PDCL2: variants seen among roughly 807,000 people sequenced by gnomAD.
PDCL2 encodes phosducin like 2, also known as phosducin-like protein 2.
A neutral mutation model predicts 30.3 loss-of-function variants in PDCL2; 23 were observed. That is an observed-to-expected ratio of 0.76 (90% confidence interval 0.55 to 1.08). The LOEUF is 1.08. Ranked by LOEUF, PDCL2 falls within the 50% of genes least tolerant of loss-of-function variation. The probability of loss-of-function intolerance (pLI) is 0.00; values close to 1 mark genes in which losing one functional copy is unlikely to be tolerated. For missense variants in PDCL2, 243 were observed against 282.3 expected (o/e 0.86, Z 1.00); for synonymous variants, 68 against 86.2 (o/e 0.79, Z 1.17).
In PDCL2 at chr4:55,576,022, G is replaced by A. The variant is rs1732560254; in HGVS notation, c.218+4799C>T. Among the ~76,000 whole-genome samples the A allele has an allele frequency of 2.0e-5, 3 of 151,890 alleles. No individual in the cohort carries two copies. The South Asian group carries it at 6.2e-4, about 32-fold the overall frequency. Reference sequence around the variant, plus strand: ...GAACATGGTGAAGTTAACTACATAGGGAAATATAATAGCCAGTATTACCAT... The same window carrying A: ...GAACATGGTGAAGTTAACTACATAGAGAAATATAATAGCCAGTATTACCAT... On this transcript the variant is annotated intron_variant, in intron 3 of 5. Coordinates refer to ENST00000295645, the MANE Select transcript of PDCL2 (RefSeq NM_152401.3).
Position 55,580,895 on chromosome 4 carries a change from C to A in PDCL2, c.144G>T (p.Lys48Asn). Residue 48 changes from lysine to asparagine, a missense_variant, in exon 3 of 6, where the codon AAG becomes AAT. Lys to Asn is a moderately conservative substitution (Grantham distance 94, BLOSUM62 0). Transcript: ENST00000295645. ...CTTCCTTTAGCTGTGCAAGAGTCAT[C>A]TTTTCAAATGGTTTCACTAAAACAA... ...QKEAMVKPFE[K>N]MTLAQLKEAE... 3 of 1,600,678 alleles carry A rather than the reference C, an allele frequency of 1.9e-6. No homozygotes were observed. Among genetic ancestry groups the A allele is most frequent in the Non-Finnish European group, 2.6e-6 (3 of 1,176,002 alleles).
At chr4:55,585,529 CACACACACACACAG>C (rs1244035072) in intron 1 of PDCL2, among the ~76,000 whole-genome samples, 2 of 151,858 alleles carry the variant, frequency 1.3e-5, no homozygotes, top group African/African-American at 4.8e-5. Context: ...TACTGTCACA[CACACACACACACAG>C]ACACACACAC....
intron 1 of PDCL2, 84 bp downstream of exon 1, chr4:55,592,020 C>T: frequency 6.5e-7 from 1 of 1,550,206 alleles, no homozygotes; most frequent in Non-Finnish European, 8.8e-7. Flanking sequence ...TGTGTCCGCC[C>T]TCCCCATTTG....
intron 5 of PDCL2, among the ~76,000 whole-genome samples, chr4:55,562,087 T>C (rs1055790573): frequency 6.6e-6 from 1 of 152,134 alleles, no homozygotes; most frequent in African/African-American, 2.4e-5. Context: ...TAATGTCTAT[T>C]TGTGGGTTGT....
At chr4:55,559,893 T>A (rs778957711) in intron 5 of PDCL2, among the ~76,000 whole-genome samples, 1 of 152,218 alleles carries the variant, frequency 6.6e-6, no homozygotes, top group Non-Finnish European at 1.5e-5. Context: ...AAATACTATA[T>A]GATTCCACTT....
chr4:55,591,910 C>G (rs993247599), intron 1 of PDCL2, among the ~76,000 whole-genome samples, 194 bp downstream of exon 1: 2 of 152,160 alleles, frequency 1.3e-5, no homozygotes, highest in Non-Finnish European at 2.9e-5. Context: ...GTCTTAAAGG[C>G]TGAAAAAATG....
At chr4:55,566,072 C>G (rs2110155281) in intron 4 of PDCL2, among the ~76,000 whole-genome samples, 1 of 148,252 alleles carries the variant, frequency 6.7e-6, no homozygotes, top group African/African-American at 2.5e-5. Flanking sequence ...AGCTGCCTCC[C>G]AGGTTCAAGC....
chr4:55,559,182 G>A (rs1406780386), intron 5 of PDCL2, among the ~76,000 whole-genome samples: 1 of 152,128 alleles, frequency 6.6e-6, no homozygotes, highest in African/African-American at 2.4e-5. Context: ...AGGATAAATT[G>A]ATACTTTCAT....
intron 4 of PDCL2, among the ~76,000 whole-genome samples, chr4:55,567,197 A>G (rs1035973914): frequency 3.3e-5 from 5 of 152,192 alleles, no homozygotes; most frequent in Non-Finnish European, 7.3e-5. Flanking sequence ...TTCTCTGAAG[A>G]ATGCAAGTCC....
intron 5 of PDCL2, among the ~76,000 whole-genome samples, chr4:55,558,047 G>C (rs1441552816): frequency 6.6e-6 from 1 of 151,186 alleles, no homozygotes; most frequent in African/African-American, 2.4e-5. Flanking sequence ...CTTGAACCCA[G>C]GAGGCAGAGG....
chr4:55,556,928 G>A (rs1044207167), intron 5 of PDCL2, among the ~76,000 whole-genome samples: 1 of 152,062 alleles, frequency 6.6e-6, no homozygotes, highest in African/African-American at 2.4e-5. Flanking sequence ...CCACCTCCCA[G>A]GTTCAAGTGA....
At chr4:55,589,268 G>T (rs1321149819) in intron 1 of PDCL2, among the ~76,000 whole-genome samples, 2 of 152,104 alleles carry the variant, frequency 1.3e-5, no homozygotes, top group Non-Finnish European at 2.9e-5. Flanking sequence ...TTGTGTGCTT[G>T]GTTACCTTTG....
chr4:55,568,619 C>T (rs981073497), intron 4 of PDCL2, among the ~76,000 whole-genome samples: 1 of 152,088 alleles, frequency 6.6e-6, no homozygotes, highest in Non-Finnish European at 1.5e-5. Flanking sequence ...TGTAGAAGAA[C>T]GTTCTTGAAG....
At position 55,562,423 on chromosome 4, in the gene PDCL2, C is replaced by T. The variant is rs1169281715; in HGVS notation, c.552G>A (p.Gly184=). The T allele has an allele frequency of 7.8e-6, 11 of 1,417,564 alleles. No individual in the cohort carries two copies. Among genetic ancestry groups the T allele is most frequent in the Non-Finnish European group, 1.0e-5 (11 of 1,078,830 alleles). The allele number at this position is 1,417,564 out of a possible 1,614,324, so 87.8% of individuals were successfully genotyped here. Residue 184 remains glycine (G), a synonymous_variant, in exon 5 of 6, where the codon GGG becomes GGA. Coordinates refer to ENST00000295645, the MANE Select transcript of PDCL2 (RefSeq NM_152401.3). The part of the protein sequence containing the change: ...AKFIGIIECG[G]INLKLEELEW... The stretch of plus-strand genomic sequence containing the variant: ...CATTACCTTCCAGCTTGAGATTTAT[C>T]CCTCCACATTCTATAATTCCAATGA...
At chr4:55,587,340 C>T (rs1732889323) in intron 1 of PDCL2, among the ~76,000 whole-genome samples, 1 of 151,636 alleles carries the variant, frequency 6.6e-6, no homozygotes, top group African/African-American at 2.4e-5. Flanking sequence ...CTTAAAGGCC[C>T]CACCTCCTAA....
chr4:55,568,185 G>T (rs1018821857), intron 4 of PDCL2, among the ~76,000 whole-genome samples: 1 of 152,176 alleles, frequency 6.6e-6, no homozygotes. Flanking sequence ...GACAGTGAAG[G>T]TTGCTGTCAT....
At chr4:55,580,048 T>C (rs938573171) in intron 3 of PDCL2, among the ~76,000 whole-genome samples, 2 of 151,900 alleles carry the variant, frequency 1.3e-5, no homozygotes, top group Non-Finnish European at 2.9e-5. Flanking sequence ...GGTTTCTGCA[T>C]GTTGGTCAGG....
chr4:55,576,112 G>C (rs571760229), intron 3 of PDCL2, among the ~76,000 whole-genome samples: 4 of 150,166 alleles, frequency 2.7e-5, no homozygotes, highest in Non-Finnish European at 4.4e-5. Context: ...TTTTCTTTTT[G>C]AGACAGTCTT....
intron 5 of PDCL2, among the ~76,000 whole-genome samples, chr4:55,558,743 G>C (rs1163595637): frequency 1.3e-5 from 2 of 152,106 alleles, no homozygotes; most frequent in Non-Finnish European, 1.5e-5. Flanking sequence ...AACATGCAAA[G>C]TAAAGAAAAA....
Sources: gnomAD v4.1 joint callset for allele counts (sites outside exome capture counted in the v4.1 genomes callset) on GRCh38, gnomAD v4.1.1 for gene constraint, MANE v1.5 for transcripts, NCBI Gene and HGNC (gene_info 2026-07-23, HGNC 2026-07-21) for gene names.